TNIK: variants seen among roughly 807,000 people sequenced by gnomAD.
TNIK encodes the protein TRAF2 and NCK-interacting protein kinase.
TNIK carries 49 observed loss-of-function variants against 191.3 expected under a neutral mutation model. That is an observed-to-expected ratio of 0.26 (90% confidence interval 0.20 to 0.32). TNIK has a LOEUF of 0.32. Ranked by LOEUF, TNIK falls within the 10% of genes least tolerant of loss-of-function variation. The probability of loss-of-function intolerance (pLI) is 1.00; values close to 1 mark genes in which losing one functional copy is unlikely to be tolerated. For synonymous variants in TNIK, 594 were observed against 600.9 expected (o/e 0.99, Z 0.17); for missense variants, 1,155 against 1,702.3 (o/e 0.68, Z 5.66).
chr3:171,136,183 C>T (rs999860365), intron 15 of TNIK, among the ~76,000 whole-genome samples: 1 of 152,028 alleles, frequency 6.6e-6, no homozygotes, highest in East Asian at 1.9e-4. Context: ...TGTAGGTGTC[C>T]CTCTCCTAAA....
chr3:171,133,938 C>A (rs75588131), intron 15 of TNIK, among the ~76,000 whole-genome samples: 8 of 152,058 alleles, frequency 5.3e-5, no homozygotes, highest in African/African-American at 1.9e-4. Context: ...AAAGAGAACA[C>A]GATGGAGTGC....
chr3:171,119,898 G>A (rs184427213), intron 18 of TNIK, among the ~76,000 whole-genome samples: 1 of 152,292 alleles, frequency 6.6e-6, no homozygotes. Context: ...GTATACATAT[G>A]TAACAAACCT....
chr3:171,343,547 A>G (rs1035007271), intron 2 of TNIK, among the ~76,000 whole-genome samples: 1 of 152,160 alleles, frequency 6.6e-6, no homozygotes, highest in African/African-American at 2.4e-5. Flanking sequence ...AATGACTGCC[A>G]CAGCACCTGC....
intron 2 of TNIK, among the ~76,000 whole-genome samples, chr3:171,276,934 C>T (rs980083359): frequency 6.6e-6 from 1 of 152,156 alleles, no homozygotes; most frequent in Non-Finnish European, 1.5e-5. Flanking sequence ...AAAGTCTATG[C>T]TTTAGATTGC....
At position 171,110,754 on chromosome 3, in the gene TNIK, A is replaced by G. The variant is rs1725729380; in HGVS notation, c.2244T>C (p.Pro748=). ...SQPSSQGGSQ[P]GSQAGSSERT... Reference sequence around the variant, plus strand: ...GTTCACTGGATCCTGCTTGTGATCCAGGCTGGGAGCCTCCTTGGGAGCTGG... The same window carrying G: ...GTTCACTGGATCCTGCTTGTGATCCGGGCTGGGAGCCTCCTTGGGAGCTGG... The change falls in exon 19 of 33, where the codon CCT becomes CCC. Residue 748 remains proline, a synonymous_variant. Transcript: ENST00000436636. The G allele has an allele frequency of 1.9e-6, 3 of 1,602,236 alleles. No individual in the cohort carries two copies. The highest frequency in any genetic ancestry group is 1.1e-5 in the South Asian group (1 of 88,134).
At chr3:171,280,114 C>T (rs1369628676) in intron 2 of TNIK, among the ~76,000 whole-genome samples, 4 of 152,192 alleles carry the variant, frequency 2.6e-5, no homozygotes, top group Non-Finnish European at 5.9e-5. Flanking sequence ...ACGTTCCCTC[C>T]CGGCTATGTG....
Position 171,159,836 on chromosome 3 carries a change from A to G in TNIK, c.1016+1434T>C, listed in dbSNP as rs1253788123. ...AAACAGGACTTGGACTTAAAGTATA[A>G]TAACAACAACAACAGGACTTGGAAC... is the stretch of plus-strand genomic sequence containing the variant. On this transcript the variant is annotated intron_variant, in intron 11 of 32. Coordinates refer to ENST00000436636, the MANE Select transcript of TNIK (RefSeq NM_015028.4). This position sits in a 1 kb window ranked among gnomAD's most constrained non-coding sequence, Gnocchi z 4.1. Among the ~76,000 whole-genome samples, 3 of 152,248 alleles carry G rather than the reference A, an allele frequency of 2.0e-5. No individual in the cohort carries two copies. The highest frequency in any genetic ancestry group is 2.1e-4 in the South Asian group (1 of 4,832).
At chr3:171,114,248 A>G (rs1464342931) in intron 18 of TNIK, among the ~76,000 whole-genome samples, 6 of 152,188 alleles carry the variant, frequency 3.9e-5, no homozygotes, top group African/African-American at 9.6e-5. Context: ...GACTTTGTTA[A>G]CAGTTATCAT....
At chr3:171,408,028 T>C (rs904938422) in intron 1 of TNIK, among the ~76,000 whole-genome samples, 3 of 152,056 alleles carry the variant, frequency 2.0e-5, no homozygotes, top group Non-Finnish European at 4.4e-5. Context: ...AAAAAAATCA[T>C]AAGACAGTAT....
chr3:171,279,291 T>C (rs1560364040), intron 2 of TNIK, among the ~76,000 whole-genome samples: 1 of 152,234 alleles, frequency 6.6e-6, no homozygotes, highest in Non-Finnish European at 1.5e-5. Flanking sequence ...TTTGCTTTTT[T>C]CTATTTACTT....
chr3:171,454,436 G>A (rs1728568932), intron 1 of TNIK, among the ~76,000 whole-genome samples: 2 of 152,162 alleles, frequency 1.3e-5, no homozygotes, highest in Admixed American at 6.5e-5. Context: ...AAATGTACTG[G>A]GTACTCTCTC....
At chr3:171,448,402 A>G (rs1025630437) in intron 1 of TNIK, among the ~76,000 whole-genome samples, 1 of 152,144 alleles carries the variant, frequency 6.6e-6, no homozygotes, top group Non-Finnish European at 1.5e-5. Flanking sequence ...CTTTTTTCAC[A>G]TAGCATAATG....
intron 19 of TNIK, among the ~76,000 whole-genome samples, chr3:171,109,918 T>C (rs1725585114): frequency 6.6e-6 from 1 of 152,190 alleles, no homozygotes. Flanking sequence ...AATTTTTTTT[T>C]TTTTTGATGG....
intron 2 of TNIK, among the ~76,000 whole-genome samples, chr3:171,283,786 A>G (rs755443884): frequency 7.2e-5 from 11 of 152,176 alleles, no homozygotes; most frequent in South Asian, 2.1e-4. Context: ...TCAGACACAC[A>G]TAAGGAAGTC....
intron 2 of TNIK, among the ~76,000 whole-genome samples, chr3:171,244,549 T>C (rs1745374677): frequency 6.6e-6 from 1 of 152,094 alleles, no homozygotes; most frequent in South Asian, 2.1e-4. Context: ...CATTCCAATT[T>C]ATTTTGTACT....
At chr3:171,086,718 CTG>C (rs1721403346) in intron 24 of TNIK, among the ~76,000 whole-genome samples, 1 of 152,208 alleles carries the variant, frequency 6.6e-6, no homozygotes, top group Non-Finnish European at 1.5e-5. Context: ...AGACTACACA[CTG>C]TGAACTCATC....
intron 22 of TNIK, among the ~76,000 whole-genome samples, chr3:171,098,958 CACAT>C (rs1410134397): frequency 3.9e-5 from 6 of 152,176 alleles, no homozygotes; most frequent in African/African-American, 1.4e-4. Flanking sequence ...CTTATTTTCT[CACAT>C]ACATAATCAC....
At chr3:171,286,105 G>A (rs75981409) in intron 2 of TNIK, among the ~76,000 whole-genome samples, 340 of 152,142 alleles carry the variant, frequency 2.2e-3, no homozygotes, top group African/African-American at 7.9e-3. Flanking sequence ...AGGGGAGAGG[G>A]GTATATGTCT....
chr3:171,142,445 A>G (rs979020141), intron 12 of TNIK, among the ~76,000 whole-genome samples: 2 of 152,240 alleles, frequency 1.3e-5, no homozygotes, highest in Non-Finnish European at 2.9e-5. Flanking sequence ...TGGTCATTCT[A>G]ATAGGACTTC....
Sources: gnomAD v4.1 joint callset for allele counts (sites outside exome capture counted in the v4.1 genomes callset) on GRCh38, gnomAD v4.1.1 for gene constraint, Gnocchi (gnomAD v3.1) non-coding constraint, MANE v1.5 for transcripts, NCBI Gene and HGNC (gene_info 2026-07-23, HGNC 2026-07-21) for gene names.